DPP8: variants seen among roughly 807,000 people sequenced by gnomAD.
DPP8 encodes dipeptidyl peptidase 8.
In DPP8, 31 loss-of-function variants were observed where a neutral mutation model predicts 107.5. The ratio of observed to expected loss-of-function variants is 0.29; its 90% confidence interval spans 0.22 to 0.39. The LOEUF is 0.39. Among genes scored for constraint, DPP8 ranks in the 10% least tolerant of loss-of-function variants. The pLI, the probability that DPP8 is intolerant of heterozygous loss-of-function variation, is 1.00. For missense variants in DPP8, 842 were observed against 1,076.1 expected, an observed-to-expected ratio of 0.78 and a Z score of 3.04; for synonymous variants, 381 against 356.6, an observed-to-expected ratio of 1.07 and a Z score of -0.77.
rs564795298 is a variant in DPP8 at position 65,497,854 on chromosome 15, T to C, written c.715+10A>G. 496 of 1,458,300 alleles carry C rather than the reference T, an allele frequency of 3.4e-4. 5 individuals carry two copies. In the South Asian group the frequency reaches 4.2e-3, roughly 12 times the overall value. The allele number at this position is 1,458,300 out of a possible 1,614,324, so 90.3% of individuals were successfully genotyped here. On this transcript the variant is annotated intron_variant, in intron 5 of 19. Coordinates refer to ENST00000300141, the MANE Select transcript of DPP8 (RefSeq NM_130434.5). The stretch of plus-strand genomic sequence containing the variant: ...GTTCAGAAAAGTAAATCTGAAGAAC[T>C]ACGCCTTACCATTGTGCACATAAGT...
At chr15:65,455,517 C>T in intron 16 of DPP8, 1 of 307,868 alleles carries the variant, frequency 3.2e-6, no homozygotes, top group Non-Finnish European at 5.4e-6. Flanking sequence ...TATTATACTA[C>T]CTCTAGGAAC....
At chr15:65,506,059 C>T (rs1016975338) in intron 3 of DPP8, among the ~76,000 whole-genome samples, 11 of 151,590 alleles carry the variant, frequency 7.3e-5, no homozygotes, top group Non-Finnish European at 1.6e-4. Flanking sequence ...AAGGCCGGTG[C>T]GGTGGCTCAC....
chr15:65,473,032 T>C (rs1287907882), intron 12 of DPP8, among the ~76,000 whole-genome samples: 1 of 151,598 alleles, frequency 6.6e-6, no homozygotes, highest in Non-Finnish European at 1.5e-5. Context: ...AGTCAGACCC[T>C]GTCTCAAAAA....
At chr15:65,498,171 C>CA in intron 4 of DPP8, 139 bp from the exon 5 acceptor site, 1 of 572,718 alleles carries the variant, frequency 1.7e-6, no homozygotes. Context: ...CCTGTAATCC[C>CA]AGCACTTCGG....
chr15:65,484,704 C>T (rs945676486), intron 8 of DPP8, among the ~76,000 whole-genome samples: 1 of 149,240 alleles, frequency 6.7e-6, no homozygotes, highest in Admixed American at 6.7e-5. Flanking sequence ...TTTACCTAGT[C>T]TTGTGTGCAT....
chr15:65,501,026 C>G (rs113764791), intron 3 of DPP8, among the ~76,000 whole-genome samples: 1 of 151,898 alleles, frequency 6.6e-6, no homozygotes, highest in Non-Finnish European at 1.5e-5. Flanking sequence ...TACAGGCGCC[C>G]GCAACCACGC....
chr15:65,451,535 T>C (rs1414003916), intron 18 of DPP8, among the ~76,000 whole-genome samples: 1 of 152,236 alleles, frequency 6.6e-6, no homozygotes, highest in African/African-American at 2.4e-5. Flanking sequence ...GCTATTCTAG[T>C]ATAACATTTG....
At chr15:65,507,012 G>A (rs777769277) in intron 3 of DPP8, among the ~76,000 whole-genome samples, 1 of 152,058 alleles carries the variant, frequency 6.6e-6, no homozygotes, top group African/African-American at 2.4e-5. Context: ...CAAAGTTTAT[G>A]AAGGGAAATG....
At chr15:65,500,565 T>G (rs1596088722) in intron 4 of DPP8, 41 bp downstream of exon 4, 4 of 1,568,764 alleles carry the variant, frequency 2.5e-6, no homozygotes, top group Non-Finnish European at 8.8e-7. Flanking sequence ...AATAACCTTT[T>G]GGACCCAAAC....
In DPP8 at chr15:65,512,557, GCATTTT is replaced by G; in HGVS notation, c.-10_-5del. ...CTGTTTCCATTGCTGCTGCCATGTT[GCATTTT>G]CCTAGAAAAACAAGGCACATGAAGC... is the stretch of plus-strand genomic sequence containing the variant. On this transcript the variant is annotated splice_region_variant and 5_prime_UTR_variant, in exon 2 of 20. The change abolishes an upstream ATG in the 5' untranslated region. Coordinates refer to ENST00000300141, the MANE Select transcript of DPP8 (RefSeq NM_130434.5). 1 of 1,613,802 alleles carries G rather than the reference GCATTTT, an allele frequency of 6.2e-7. No individual in the cohort carries two copies. Among genetic ancestry groups the G allele is most frequent in the Non-Finnish European group, 8.5e-7 (1 of 1,179,942 alleles).
chr15:65,460,247 G>C (rs1345582881), intron 15 of DPP8, among the ~76,000 whole-genome samples: 1 of 151,888 alleles, frequency 6.6e-6, no homozygotes, highest in African/African-American at 2.4e-5. Flanking sequence ...TTCGAGACCA[G>C]CCTGGCTAAC....
chr15:65,485,544 CAAA>C (rs56940292), intron 7 of DPP8, among the ~76,000 whole-genome samples: 6,722 of 60,998 alleles, frequency 0.11, 92 homozygotes, highest in South Asian at 0.13. Flanking sequence ...GACTCCATCT[CAAA>C]AAAAAAAAAA....
intron 4 of DPP8, among the ~76,000 whole-genome samples, chr15:65,500,075 T>A (rs1468456665): frequency 6.6e-6 from 1 of 151,972 alleles, no homozygotes; most frequent in Non-Finnish European, 1.5e-5. Flanking sequence ...TTTTTTAAAT[T>A]TTTTTTTGTA....
At chr15:65,482,030 G>A (rs1192142516) in intron 8 of DPP8, among the ~76,000 whole-genome samples, 2 of 151,376 alleles carry the variant, frequency 1.3e-5, no homozygotes, top group African/African-American at 4.9e-5. Flanking sequence ...GTGTGTGTGT[G>A]TGTATATATA....
At chr15:65,494,646 G>GAAAAAAAA (rs5813355) in intron 5 of DPP8, among the ~76,000 whole-genome samples, 2 of 114,350 alleles carry the variant, frequency 1.7e-5, no homozygotes, top group African/African-American at 3.4e-5. Context: ...CAAAAAAATT[G>GAAAAAAAA]AAAAAAAAAA....
chr15:65,476,924 C>T (rs1351640730), intron 11 of DPP8, among the ~76,000 whole-genome samples: 4 of 152,050 alleles, frequency 2.6e-5, no homozygotes, highest in Non-Finnish European at 4.4e-5. Context: ...CATTATGCTA[C>T]GTAAACAAGC....
At chr15:65,502,269 ATTG>A (rs924432868) in intron 3 of DPP8, among the ~76,000 whole-genome samples, 222 of 148,306 alleles carry the variant, frequency 1.5e-3, no homozygotes, top group African/African-American at 5.4e-3. Context: ...TAACTATGGT[ATTG>A]TTTTTCACTT....
At position 65,463,889 on chromosome 15, in the gene DPP8, T is replaced by C. The variant is rs201962360; in HGVS notation, c.1843A>G (p.Thr615Ala). ...TCAAAAGAGAAAATTTCTGGAGGAG[T>C]ATAGTCAGGAAGAGGACCTGTGAAT... The part of the protein sequence containing the change: ...LDSAGPLPDY[T>A]PPEIFSFEST... The change falls in exon 15 of 20, where the codon ACT becomes GCT. Residue 615 changes from threonine (T) to alanine (A), a missense_variant. Thr to Ala is a moderately conservative substitution (Grantham distance 58). Around this residue, in one of 2 missense-constraint regions of DPP8, gnomAD observed 663 missense variants for 758.0 expected, o/e 0.87. Transcript: ENST00000300141. The C allele has an allele frequency of 1.3e-6, 2 of 1,585,908 alleles. No individual in the cohort carries two copies. The highest frequency in any genetic ancestry group is 1.7e-6 in the Non-Finnish European group (2 of 1,169,102).
rs8030109 is a variant in DPP8 at position 65,483,489 on chromosome 15, T to C, written c.1017+1610A>G. On this transcript the variant is annotated intron_variant, in intron 8 of 19. Coordinates refer to ENST00000300141, the MANE Select transcript of DPP8 (RefSeq NM_130434.5). ...TTGAGCTGTAATTGTGTCACCATAC[T>C]CCAGGCTGGGTGACAAAGTGAGACC... Among the ~76,000 whole-genome samples the C allele has an allele frequency of 1.7e-3, 258 of 152,096 alleles. 2 individuals carry two copies. Among genetic ancestry groups the C allele is most frequent in the African/African-American group, 5.5e-3 (230 of 41,478 alleles).
Sources: allele counts gnomAD v4.1 joint callset (sites outside exome capture counted in the v4.1 genomes callset), GRCh38; gene constraint gnomAD v4.1.1; regional missense constraint gnomAD v4.1.1; transcripts MANE v1.5; gene names NCBI Gene and HGNC (gene_info 2026-07-23, HGNC 2026-07-21).